Variants in HPN observed in about 807,000 individuals in gnomAD.
The protein encoded by HPN is serine protease hepsin.
Under a neutral mutation model 55.9 loss-of-function variants are expected in HPN, and 13 were observed. The ratio of observed to expected loss-of-function variants is 0.23; its 90% CI spans 0.15 to 0.37. The LOEUF is 0.37. HPN is among the 10% of genes least tolerant of loss of function. The pLI is 1.00. For synonymous variants in HPN, 225 were observed against 240.3 expected (o/e 0.94, Z 0.59); for missense variants, 451 against 575.8 (o/e 0.78, Z 2.22).
At chr19:35,056,609 T>A (rs1262815145) in intron 4 of HPN, among the ~76,000 whole-genome samples, 1 of 152,142 alleles carries the variant, frequency 6.6e-6, no homozygotes, top group Non-Finnish European at 1.5e-5. Flanking sequence ...CCTTCTCGTA[T>A]ATCCCAGCCC....
Position 35,059,884 on chromosome 19 carries a change from C to T in HPN, c.301C>T (p.His101Tyr). Residue 101 changes from histidine (H) to tyrosine (Y), a missense_variant, in exon 6 of 13, where the codon CAC (histidine) becomes TAC (tyrosine). This residue lies in a region of HPN where 378 missense variants were observed against 445.5 expected (regional missense o/e 0.85). Transcript: ENST00000672452. The stretch of plus-strand genomic sequence containing the variant: ...CCCTGCCCCGCCCAGGGCACTGACC[C>T]ACTCCGAGCTGGACGTGCGAACGGC... ...EEMGFLRALT[H>Y]SELDVRTAGA... is the part of the protein sequence containing the mutation. 1 of 1,502,784 alleles carries T rather than the reference C, an allele frequency of 6.7e-7. No individual in the cohort carries two copies. The highest frequency in any genetic ancestry group is 8.9e-7 in the Non-Finnish European group (1 of 1,125,864). 93.1% of individuals were successfully genotyped at this position (1,502,784 alleles called of 1,614,324 possible).
At chr19:35,051,793 C>G (rs1287043418) in intron 4 of HPN, among the ~76,000 whole-genome samples, 1 of 152,172 alleles carries the variant, frequency 6.6e-6, no homozygotes, top group African/African-American at 2.4e-5. Context: ...AGGGCTGTTA[C>G]ATCCCAACAT....
Position 35,060,356 on chromosome 19 carries a change from G to A in HPN, c.464G>A (p.Arg155His), listed in dbSNP as rs145117053. The A allele has an allele frequency of 1.6e-5, 25 of 1,611,458 alleles. No homozygotes were observed. The highest frequency in any genetic ancestry group is 2.2e-5 in the South Asian group (2 of 91,086). Residue 155 changes from arginine (R) to histidine (H), a missense_variant, in exon 8 of 13, where the codon CGC becomes CAC. Physicochemically the swap from Arg to His is conservative, Grantham distance 29. This residue lies in a region of HPN where 378 missense variants were observed against 445.5 expected (regional missense o/e 0.85). Coordinates refer to ENST00000672452, the MANE Select transcript of HPN (RefSeq NM_001384133.1). Reference sequence around the variant, plus strand: ...GACCCTTGTCCCACAGACTGTGGCCGCAGGAAGCTGCCCGTGGACCGCATC... The same window carrying A: ...GACCCTTGTCCCACAGACTGTGGCCACAGGAAGCTGCCCGTGGACCGCATC... Reference protein sequence around the residue: ...FLAAICQDCGRRKLPVDRIVG... With the variant: ...FLAAICQDCGHRKLPVDRIVG...
chr19:35,066,350 T>C lies in HPN; in HGVS notation c.*63T>C. 6.4e-7 allele frequency: 1 copy of C among 1,569,922 alleles called. No homozygotes were observed. Among genetic ancestry groups the C allele is most frequent in the Non-Finnish European group, 8.6e-7 (1 of 1,158,994 alleles). ...GTGATCCCGGTGGTGGGATCCACGC[T>C]GGGCCTAGGATGGGACGTTTTTCTT... On this transcript the variant is annotated 3_prime_UTR_variant, in exon 13 of 13. Coordinates refer to ENST00000672452, the MANE Select transcript of HPN (RefSeq NM_001384133.1).
At position 35,051,684 on chromosome 19, in the gene HPN, T is replaced by TA. The variant is rs35713084; in HGVS notation, c.160+2183dup. Among the ~76,000 whole-genome samples the TA allele has an allele frequency of 5.2e-3, 744 of 144,460 alleles. 30 individuals carry two copies. The South Asian group carries it at 0.11, about 22-fold the overall frequency. 94.8% of individuals were successfully genotyped at this position (144,460 alleles called of 152,430 possible). ...ATAGTGTCTACACTTGATTGCTTGT[T>TA]AAAAAAAAAAAAAAAGAACAGCTGA... On this transcript the variant is annotated intron_variant, in intron 4 of 12. Coordinates refer to ENST00000672452, the MANE Select transcript of HPN (RefSeq NM_001384133.1).
At chr19:35,051,684 TAAA>T (rs35713084) in intron 4 of HPN, among the ~76,000 whole-genome samples, 11 of 144,468 alleles carry the variant, frequency 7.6e-5, no homozygotes, top group Non-Finnish European at 9.1e-5. Flanking sequence ...GATTGCTTGT[TAAA>T]AAAAAAAAAA....
At chr19:35,047,340 C>A (rs1600379705) in intron 2 of HPN, among the ~76,000 whole-genome samples, 1 of 152,334 alleles carries the variant, frequency 6.6e-6, no homozygotes, top group East Asian at 1.9e-4. Flanking sequence ...GTTCCCTCTG[C>A]CCACAGTGCC....
intron 2 of HPN, among the ~76,000 whole-genome samples, chr19:35,048,026 GAA>G (rs369625763): frequency 1.8e-5 from 1 of 55,522 alleles, no homozygotes. Context: ...GAGAGAGAGA[GAA>G]AAAGAAAGAA....
In HPN at chr19:35,066,397, C is replaced by A; in HGVS notation, c.*110C>A. The A allele has an allele frequency of 7.0e-7, 1 of 1,420,334 alleles. No homozygotes were observed. The allele number at this position is 1,420,334 out of a possible 1,614,324, so 88.0% of individuals were successfully genotyped here. On this transcript the variant is annotated 3_prime_UTR_variant, in exon 13 of 13. Coordinates refer to ENST00000672452, the MANE Select transcript of HPN (RefSeq NM_001384133.1). The stretch of plus-strand genomic sequence containing the variant: ...TCTTCTTGGGCCCGGTCCACAGGTC[C>A]AAGGACACCCTCCCTCCAGGGTCCT...
At chr19:35,054,697 G>A (rs987876632) in intron 4 of HPN, among the ~76,000 whole-genome samples, 6 of 152,170 alleles carry the variant, frequency 3.9e-5, no homozygotes, top group African/African-American at 9.7e-5. Flanking sequence ...CGTTGGGGAA[G>A]CCACCCCACC....
At chr19:35,060,263 C>A in intron 7 of HPN, 84 bp from the exon 8 acceptor site, 1 of 1,606,264 alleles carries the variant, frequency 6.2e-7, no homozygotes, top group East Asian at 2.2e-5. Context: ...ACTTTCAGAC[C>A]CCCTAGGGCA....
chr19:35,055,901 G>T (rs1349652249), intron 4 of HPN, among the ~76,000 whole-genome samples: 1 of 152,160 alleles, frequency 6.6e-6, no homozygotes, highest in Non-Finnish European at 1.5e-5. Flanking sequence ...ACCTGAGTCA[G>T]GTCAGGGCCC....
intron 2 of HPN, among the ~76,000 whole-genome samples, chr19:35,046,171 C>A (rs966733531): frequency 6.6e-6 from 1 of 152,068 alleles, no homozygotes; most frequent in Admixed American, 6.5e-5. Context: ...AGTAGTTGGG[C>A]TGGTCTGGCC....
intron 4 of HPN, 104 bp from the exon 5 acceptor site, chr19:35,059,569 A>G: frequency 6.9e-7 from 1 of 1,441,844 alleles, no homozygotes; most frequent in Non-Finnish European, 9.4e-7. Flanking sequence ...GTTCACGTCT[A>G]CACCACATGG....
Position 35,041,789 on chromosome 19 carries a change from G to T in HPN, c.-138G>T, listed in dbSNP as rs544367253. 132 of 1,325,716 alleles carry T rather than the reference G, an allele frequency of 1.0e-4. 1 individual carries two copies. In the South Asian group the frequency reaches 1.4e-3, roughly 14 times the overall value. 82.1% of individuals were successfully genotyped at this position (1,325,716 alleles called of 1,614,324 possible). ...CCTCCAGGCCGCCCGCTGCTGCGGG[G>T]CCACCATGCTCCTGCCCAGGCCTGG... On this transcript the variant is annotated 5_prime_UTR_variant, in exon 1 of 13. Coordinates refer to ENST00000672452, the MANE Select transcript of HPN (RefSeq NM_001384133.1).
chr19:35,046,929 A>C (rs559741085), intron 2 of HPN, among the ~76,000 whole-genome samples: 10 of 152,150 alleles, frequency 6.6e-5, no homozygotes, highest in African/African-American at 2.2e-4. Flanking sequence ...CCCGGGTTCA[A>C]GCCATTCTCC....
In HPN at chr19:35,060,370, G is replaced by A. The variant is rs764164874; in HGVS notation, c.478G>A (p.Val160Met). The change falls in exon 8 of 13, where the codon GTG (valine) becomes ATG (methionine). Residue 160 changes from valine to methionine, a missense_variant. By Grantham distance (21) the Val-to-Met change is conservative. Transcript: ENST00000672452. ...AGACTGTGGCCGCAGGAAGCTGCCC[G>A]TGGACCGCATCGTGGGAGGCCGGGA... ...CQDCGRRKLP[V>M]DRIVGGRDTS... is the part of the protein sequence containing the mutation. The A allele has an allele frequency of 5.6e-6, 9 of 1,612,028 alleles. No individual in the cohort carries two copies. Among genetic ancestry groups the A allele is most frequent in the African/African-American group, 1.3e-5 (1 of 74,942 alleles).
chr19:35,049,775 GT>G (rs982342452), intron 4 of HPN, among the ~76,000 whole-genome samples: 199 of 142,208 alleles, frequency 1.4e-3, no homozygotes, highest in African/African-American at 4.6e-3. Flanking sequence ...GGAAAACCAT[GT>G]TTTTTTTTTA....
intron 2 of HPN, among the ~76,000 whole-genome samples, chr19:35,047,638 G>A (rs975197883): frequency 2.1e-5 from 3 of 143,790 alleles, no homozygotes; most frequent in Non-Finnish European, 3.1e-5. Context: ...ACCTAGAAAG[G>A]TGCCAGGCAC....
Sources: gnomAD v4.1 joint callset for allele counts (sites outside exome capture counted in the v4.1 genomes callset) on GRCh38, gnomAD v4.1.1 for gene constraint, gnomAD v4.1.1 regional missense constraint, MANE v1.5 for transcripts, NCBI Gene and HGNC (gene_info 2026-07-23, HGNC 2026-07-21) for gene names.